The following CPLANE1 variants were observed in gnomAD, a reference collection of about 807,000 sequenced individuals.
CPLANE1 encodes ciliogenesis and planar polarity effector 1.
Under a neutral mutation model 362.5 loss-of-function variants are expected in CPLANE1, and 263 were observed. That is an observed-to-expected ratio of 0.73 (90% confidence interval 0.66 to 0.80). The LOEUF is 0.80. Ranked by LOEUF, CPLANE1 falls within the 30% of genes least tolerant of loss-of-function variation. The pLI, the probability that CPLANE1 is intolerant of heterozygous loss-of-function variation, is 0.00. For synonymous variants in CPLANE1, 1,212 were observed against 1,302.6 expected (o/e 0.93, Z 1.50); for missense variants, 3,461 against 3,793.4 (o/e 0.91, Z 2.30).
chr5:37,094,222 G>A, the CPLANE1 span, among the ~76,000 whole-genome samples: 1 of 152,162 alleles, frequency 6.6e-6, no homozygotes, highest in East Asian at 1.9e-4. Context: ...GTCAGTGTAC[G>A]TTATTCATCT....
rs1200221535 is a variant in CPLANE1, at chr5:37,201,595, C to T, written c.3503G>A (p.Ser1168Asn). The T allele has an allele frequency of 1.9e-6, 3 of 1,612,108 alleles. No individual in the cohort carries two copies. In the South Asian group the frequency reaches 3.3e-5, roughly 18 times the overall value. The change falls in exon 19 of 53, where the codon AGT becomes AAT. Residue 1168 changes from serine (S) to asparagine (N), a missense_variant. Transcript: ENST00000651892. ...PLYCPQPAIL[S>N]EEDGDDLLLK... is the part of the protein sequence containing the mutation. The stretch of plus-strand genomic sequence containing the variant: ...AAGTTAATGCTATAAGCTTACTTCA[C>T]TAAGAATAGCTGGCTGGGGACAGTA...
At chr5:37,210,411 C>A in intron 16 of CPLANE1, 2 of 988,742 alleles carry the variant, frequency 2.0e-6, no homozygotes, top group South Asian at 1.3e-5. Flanking sequence ...CAAGAATGAA[C>A]TCCTAAAGTA....
chr5:37,179,561 T>G (rs1381771119), intron 28 of CPLANE1, 118 bp from the exon 29 acceptor site: 5 of 674,646 alleles, frequency 7.4e-6, no homozygotes, highest in Non-Finnish European at 1.3e-5. Flanking sequence ...TTTTCTATCC[T>G]TTTTATAAAG....
At chr5:37,080,942 C>T in the CPLANE1 span, among the ~76,000 whole-genome samples, 1 of 152,224 alleles carries the variant, frequency 6.6e-6, no homozygotes, top group Non-Finnish European at 1.5e-5. Context: ...GAACTGCCTA[C>T]ATGAATAAAA....
intron 42 of CPLANE1, among the ~76,000 whole-genome samples, chr5:37,149,415 C>T (rs530520069): frequency 4.5e-4 from 69 of 152,208 alleles, no homozygotes; most frequent in East Asian, 2.7e-3. Flanking sequence ...GTTGTTATGA[C>T]GTATTGTTCA....
chr5:37,227,858 A>C (rs750646559), intron 9 of CPLANE1, 41 bp from the exon 10 acceptor site: 12 of 1,493,134 alleles, frequency 8.0e-6, no homozygotes, highest in Non-Finnish European at 1.1e-5. Context: ...AGTAAGAGAA[A>C]GATCTTACGG....
intron 30 of CPLANE1, among the ~76,000 whole-genome samples, chr5:37,177,219 T>A (rs771836731): frequency 1.2e-4 from 19 of 152,200 alleles, no homozygotes; most frequent in Admixed American, 6.5e-5. Flanking sequence ...CCCTAATGAA[T>A]AGTGTATAGT....
Position 37,183,083 on chromosome 5 carries a change from T to C in CPLANE1, c.5098A>G (p.Arg1700Gly). The C allele has an allele frequency of 2.5e-6, 4 of 1,613,480 alleles. No homozygotes were observed. Among genetic ancestry groups the C allele is most frequent in the Non-Finnish European group, 2.5e-6 (3 of 1,179,918 alleles). ...DDTREKCLIQ[R>G]SSNHIFWTPK... is the part of the protein sequence containing the mutation. ...GTCCAAAAAATGTGGTTTGATGATC[T>C]CTGGATTAGACATTTCTCTCTAGTG... The change falls in exon 26 of 53, where the codon AGA (arginine) becomes GGA (glycine). Residue 1700 changes from arginine to glycine, a missense_variant. By Grantham distance (125) the Arg-to-Gly change is moderately radical. This residue lies in a region of CPLANE1 where 3,380 missense variants were observed against 3,666.1 expected (regional missense o/e 0.92). Coordinates refer to ENST00000651892, the MANE Select transcript of CPLANE1 (RefSeq NM_001384732.1).
intron 14 of CPLANE1, among the ~76,000 whole-genome samples, chr5:37,223,554 G>A (rs1420703103): frequency 5.9e-5 from 9 of 152,286 alleles, no homozygotes; most frequent in African/African-American, 1.9e-4. Flanking sequence ...ATCTGACCAC[G>A]TAGGAGTTGC....
chr5:37,186,321 G>C lies in CPLANE1; in HGVS notation c.4154C>G (p.Ser1385Cys). ...VRVPLRDKYH[S>C]LHQRLRHCVV... ...ACAGTGTCTGAGTCTCTGGTGAAGA[G>C]AGTGATATTTGTCTCTTAAAGGAAC... is the stretch of plus-strand genomic sequence containing the variant. Residue 1385 changes from serine to cysteine, a missense_variant, in exon 24 of 53, where the codon TCT (serine) becomes TGT (cysteine). Physicochemically the swap from Ser to Cys is moderately radical, Grantham distance 112. This residue lies in a region of CPLANE1 where 3,380 missense variants were observed against 3,666.1 expected (regional missense o/e 0.92). Transcript: ENST00000651892. 1 of 1,594,990 alleles carries C rather than the reference G, an allele frequency of 6.3e-7. No homozygotes were observed. Among genetic ancestry groups the C allele is most frequent in the Non-Finnish European group, 8.6e-7 (1 of 1,162,792 alleles).
At chr5:37,080,048 G>T in the CPLANE1 span, among the ~76,000 whole-genome samples, 1 of 152,176 alleles carries the variant, frequency 6.6e-6, no homozygotes, top group Admixed American at 6.5e-5. Flanking sequence ...TCTTGAAGAT[G>T]AGCGGATATT....
chr5:37,228,764 T>C (rs1797015576), intron 9 of CPLANE1, among the ~76,000 whole-genome samples: 1 of 152,214 alleles, frequency 6.6e-6, no homozygotes, highest in African/African-American at 2.4e-5. Context: ...TTGTAACATT[T>C]GATTTTTGAG....
Position 37,227,626 on chromosome 5 carries a change from A to C in CPLANE1, c.1313T>G (p.Leu438Arg), listed in dbSNP as rs1444670357. 6.4e-7 allele frequency: 1 copy of C among 1,551,428 alleles called. No individual in the cohort carries two copies. The highest frequency in any genetic ancestry group is 1.2e-5 in the South Asian group (1 of 84,044). Residue 438 changes from leucine (L) to arginine (R), a missense_variant, in exon 10 of 53, where the codon CTT becomes CGT. Coordinates refer to ENST00000651892, the MANE Select transcript of CPLANE1 (RefSeq NM_001384732.1). ...SLSPSVHMRS[L>R]LLDSTQRLEK... The stretch of plus-strand genomic sequence containing the variant: ...AAGCCTCTGGGTTGAATCAAGTAGA[A>C]GTGATCTCATGTGTACTGATGGAGA...
intron 8 of CPLANE1, among the ~76,000 whole-genome samples, chr5:37,232,139 G>A (rs924287911): frequency 6.6e-6 from 1 of 152,142 alleles, no homozygotes; most frequent in African/African-American, 2.4e-5. Context: ...ATGGATCCTG[G>A]TGGTAGCTCA....
At chr5:37,144,397 TAAAAAAAAAAAAA>T (rs1176016655) in intron 43 of CPLANE1, among the ~76,000 whole-genome samples, 37 of 67,552 alleles carry the variant, frequency 5.5e-4, no homozygotes, top group South Asian at 3.0e-3. Flanking sequence ...AGACTTTGTC[TAAAAAAAAAAAAA>T]AAAAAAAAAG....
the CPLANE1 span, among the ~76,000 whole-genome samples, chr5:37,086,233 C>T: frequency 6.6e-6 from 1 of 152,174 alleles, no homozygotes; most frequent in East Asian, 1.9e-4. Flanking sequence ...CATCCAACAA[C>T]CACAGAATAA....
chr5:37,237,416 G>C (rs1799243521), intron 8 of CPLANE1, among the ~76,000 whole-genome samples: 1 of 152,210 alleles, frequency 6.6e-6, no homozygotes, highest in African/African-American at 2.4e-5. Context: ...TGGACATACA[G>C]AGTGGAATAA....
chr5:37,100,361 AG>A, the CPLANE1 span, among the ~76,000 whole-genome samples: 1 of 152,332 alleles, frequency 6.6e-6, no homozygotes, highest in African/African-American at 2.4e-5. Flanking sequence ...TTTATTAAAA[AG>A]GGAATCTTTT....
chr5:37,165,805 G>A, intron 35 of CPLANE1, 134 bp from the exon 36 acceptor site: 145 of 769,408 alleles, frequency 1.9e-4, no homozygotes, highest in South Asian at 7.3e-4. Flanking sequence ...AATTAAATTG[G>A]CAAGATATTC....
Sources: gnomAD v4.1 joint callset for allele counts (sites outside exome capture counted in the v4.1 genomes callset) on GRCh38, gnomAD v4.1.1 for gene constraint, gnomAD v4.1.1 regional missense constraint, MANE v1.5 for transcripts, NCBI Gene and HGNC (gene_info 2026-07-23, HGNC 2026-07-21) for gene names.